CSTF2T: variants seen among roughly 807,000 people sequenced by gnomAD.
CSTF2T encodes the protein cleavage stimulation factor subunit 2 tau variant, also known as CF-1 64 kDa subunit tau.
Under a neutral mutation model 39.9 loss-of-function variants are expected in CSTF2T, and 18 were observed. That is an observed-to-expected ratio of 0.45 (90% CI 0.31 to 0.67). The LOEUF (loss-of-function observed/expected upper bound fraction) is 0.67. CSTF2T is among the 30% of genes least tolerant of loss of function. CSTF2T has a pLI of 0.06. For synonymous variants in CSTF2T, 291 were observed against 276.4 expected (o/e 1.05, Z -0.52); for missense variants, 681 against 789.0 (o/e 0.86, Z 1.64).
At position 51,696,988 on chromosome 10, in the gene CSTF2T, C is replaced by CAGCAA. The variant is rs1320102627; in HGVS notation, c.*706_*710dup. The CAGCAA allele has an allele frequency of 2.6e-5, 4 of 151,920 alleles. No individual in the cohort carries two copies. Among genetic ancestry groups the CAGCAA allele is most frequent in the Non-Finnish European group, 4.4e-5 (3 of 68,024 alleles). 9.4% of individuals were successfully genotyped at this position (151,920 alleles called of 1,614,324 possible). A position where few individuals can be genotyped will look rare whatever the true frequency, so the allele number is the denominator to read the frequency against. ...AACCTGGTTGATCTTAGAATTGTCACAGCAAAATCATCATGCTCAGATGCT... is the reference window on the plus strand; with the variant it reads ...AACCTGGTTGATCTTAGAATTGTCACAGCAAAGCAAAATCATCATGCTCAGATGCT... On this transcript the variant is annotated 3_prime_UTR_variant, in exon 1 of 1. Coordinates refer to ENST00000331173, the MANE Select transcript of CSTF2T (RefSeq NM_015235.3).
chr10:51,697,926 CTCCTCCTTGTATACT>C lies in CSTF2T; in HGVS notation c.1609_1623del (p.Ser537_Gly541del), dbSNP rs767734282. 3 of 1,599,038 alleles carry C rather than the reference CTCCTCCTTGTATACT, an allele frequency of 1.9e-6. No homozygotes were observed. Among genetic ancestry groups the C allele is most frequent in the African/African-American group, 2.7e-5 (2 of 73,880 alleles). ...CCCTGTATACCTCCTCCTTGTATAC[CTCCTCCTTGTATACT>C]GACTCCTTGTATGCCTGCCCCCTGC... On this transcript the variant is annotated inframe_deletion, in exon 1 of 1. Transcript: ENST00000331173.
At position 51,696,423 on chromosome 10, in the gene CSTF2T, T is replaced by G. The variant is rs1436879966; in HGVS notation, c.*1276A>C. 6.6e-6 allele frequency: 1 copy of G among 151,910 alleles called. No individual in the cohort carries two copies. Among genetic ancestry groups the G allele is most frequent in the African/African-American group, 2.4e-5 (1 of 41,332 alleles). The allele number at this position is 151,910 out of a possible 1,614,324, so 9.4% of individuals were successfully genotyped here. A position where few individuals can be genotyped will look rare whatever the true frequency, so the allele number is the denominator to read the frequency against. On this transcript the variant is annotated 3_prime_UTR_variant, in exon 1 of 1. Coordinates refer to ENST00000331173, the MANE Select transcript of CSTF2T (RefSeq NM_015235.3). ...AGATCAACTAGTCCCTAGACACTGA[T>G]TTTTGGGAAGGATGTAAGAGAATTA...
rs2132403981 is a variant in CSTF2T at position 51,696,993 on chromosome 10, A to C, written c.*706T>G. Reference sequence around the variant, plus strand: ...GGTTGATCTTAGAATTGTCACAGCAAAATCATCATGCTCAGATGCTTGGGG... The same window carrying C: ...GGTTGATCTTAGAATTGTCACAGCACAATCATCATGCTCAGATGCTTGGGG... On this transcript the variant is annotated 3_prime_UTR_variant, in exon 1 of 1. Transcript: ENST00000331173. 1 of 151,468 alleles carries C rather than the reference A, an allele frequency of 6.6e-6. No homozygotes were observed. Among genetic ancestry groups the C allele is most frequent in the African/African-American group, 2.4e-5 (1 of 41,316 alleles). 9.4% of individuals were successfully genotyped at this position (151,468 alleles called of 1,614,324 possible).
rs1030885581 is a variant in CSTF2T, at chr10:51,698,848, A to G, written c.702T>C (p.Pro234=). ...CCAAATGCTGAGGCTGAGGAGCTGG[A>G]GGATTCTGCTGGTTCAGCAGAACAT... is the stretch of plus-strand genomic sequence containing the variant. The part of the protein sequence containing the change: ...GPNVLLNQQN[P]PAPQPQHLAR... Residue 234 remains proline (P), a synonymous_variant, in exon 1 of 1, where the codon CCT becomes CCC. Coordinates refer to ENST00000331173, the MANE Select transcript of CSTF2T (RefSeq NM_015235.3). 5.6e-6 allele frequency: 9 copies of G among 1,614,202 alleles called. No individual in the cohort carries two copies. The highest frequency in any genetic ancestry group is 7.6e-6 in the Non-Finnish European group (9 of 1,180,036).
In CSTF2T at chr10:51,698,813, G is replaced by A. The variant is rs1022157636; in HGVS notation, c.737C>T (p.Pro246Leu). Residue 246 changes from proline (P) to leucine (L), a missense_variant, in exon 1 of 1, where the codon CCT becomes CTT. By Grantham distance (98) the Pro-to-Leu change is moderately conservative. Around this residue, in one of 4 missense-constraint regions of CSTF2T, gnomAD observed 329 missense variants for 344.1 expected, o/e 0.96. Coordinates refer to ENST00000331173, the MANE Select transcript of CSTF2T (RefSeq NM_015235.3). ...APQPQHLARR[P>L]VKDIPPLMQT... ...CATCAGAGGAGGAATGTCCTTCACA[G>A]GTCTTCTAGCCAAATGCTGAGGCTG... The A allele has an allele frequency of 6.2e-7, 1 of 1,614,076 alleles. No homozygotes were observed. Among genetic ancestry groups the A allele is most frequent in the African/African-American group, 1.3e-5 (1 of 74,940 alleles).
At position 51,698,674 on chromosome 10, in the gene CSTF2T, C is replaced by A; in HGVS notation, c.876G>T (p.Met292Ile). The A allele has an allele frequency of 6.2e-7, 1 of 1,614,188 alleles. No individual in the cohort carries two copies. The highest frequency in any genetic ancestry group is 2.2e-5 in the East Asian group (1 of 44,872). The change falls in exon 1 of 1, where the codon ATG (methionine) becomes ATT (isoleucine). Residue 292 changes from methionine to isoleucine, a missense_variant. Met to Ile is a conservative substitution (Grantham distance 10). Coordinates refer to ENST00000331173, the MANE Select transcript of CSTF2T (RefSeq NM_015235.3). ...PGGAMQPQLG[M>I]PGVGPVPLER... ...CTAAAGGCACTGGGCCAACCCCTGGCATTCCAAGTTGGGGCTGCATTGCTC... is the reference window on the plus strand; with the variant it reads ...CTAAAGGCACTGGGCCAACCCCTGGAATTCCAAGTTGGGGCTGCATTGCTC...
Position 51,698,512 on chromosome 10 carries a change from A to C in CSTF2T, c.1038T>G (p.Thr346=). The C allele has an allele frequency of 6.2e-7, 1 of 1,614,128 alleles. No individual in the cohort carries two copies. Among genetic ancestry groups the C allele is most frequent in the East Asian group, 2.2e-5 (1 of 44,846 alleles). ...DPRGGTLLSV[T]GEVEPRGYLG... ...GATAACCTCTGGGCTCCACTTCTCC[A>C]GTGACTGAAAGCAAAGTCCCTCCAC... The change falls in exon 1 of 1, where the codon ACT becomes ACG. Residue 346 remains threonine (T), a synonymous_variant. Coordinates refer to ENST00000331173, the MANE Select transcript of CSTF2T (RefSeq NM_015235.3).
At position 51,697,996 on chromosome 10, in the gene CSTF2T, C is replaced by A; in HGVS notation, c.1554G>T (p.Met518Ile). The change falls in exon 1 of 1, where the codon ATG (methionine) becomes ATT (isoleucine). Residue 518 changes from methionine to isoleucine, a missense_variant. By Grantham distance (10) the Met-to-Ile change is conservative (BLOSUM62 1). Coordinates refer to ENST00000331173, the MANE Select transcript of CSTF2T (RefSeq NM_015235.3). The stretch of plus-strand genomic sequence containing the variant: ...CTCCTCCTTGTATGCCTGCTCCCTG[C>A]ATGCCTGTTCCTTGTATGCCTGTAC... ...MQGTGIQGTGMQGAGIQGGGM... is the reference protein window; with the variant it reads ...MQGTGIQGTGIQGAGIQGGGM... The A allele has an allele frequency of 6.2e-7, 1 of 1,612,364 alleles. No homozygotes were observed. Among genetic ancestry groups the A allele is most frequent in the Non-Finnish European group, 8.5e-7 (1 of 1,179,158 alleles).
rs1332614185 is a variant in CSTF2T, at chr10:51,696,120, A to G, written c.*1579T>C. 1.3e-5 allele frequency: 2 copies of G among 152,220 alleles called. No homozygotes were observed. 9.4% of individuals were successfully genotyped at this position (152,220 alleles called of 1,614,324 possible). On this transcript the variant is annotated 3_prime_UTR_variant, in exon 1 of 1. Coordinates refer to ENST00000331173, the MANE Select transcript of CSTF2T (RefSeq NM_015235.3). The stretch of plus-strand genomic sequence containing the variant: ...TGGCTGTATTCCATGCAAAAAGTAA[A>G]ATGAGCAGTAAGTCAAGTGAGTATT...
At position 51,697,296 on chromosome 10, in the gene CSTF2T, T is replaced by G. The variant is rs2132404680; in HGVS notation, c.*403A>C. On this transcript the variant is annotated 3_prime_UTR_variant, in exon 1 of 1. Transcript: ENST00000331173. ...TTTTATTTTGTTATACAACCAAAAA[T>G]CTTAAAACTATCTTAGTACATTAAC... is the stretch of plus-strand genomic sequence containing the variant. 6.1e-6 allele frequency: 1 copy of G among 163,724 alleles called. No individual in the cohort carries two copies. The highest frequency in any genetic ancestry group is 6.2e-5 in the Admixed American group (1 of 16,080). 10.1% of individuals were successfully genotyped at this position (163,724 alleles called of 1,614,324 possible).
chr10:51,699,084 G>T lies in CSTF2T; in HGVS notation c.466C>A (p.Gln156Lys). The change falls in exon 1 of 1, where the codon CAG (glutamine) becomes AAG (lysine). Residue 156 changes from glutamine to lysine, a missense_variant. By Grantham distance (53) the Gln-to-Lys change is moderately conservative (BLOSUM62 1). Coordinates refer to ENST00000331173, the MANE Select transcript of CSTF2T (RefSeq NM_015235.3). Reference protein sequence around the residue: ...QMKLCVQNSHQEARNMLLQNP... With the variant: ...QMKLCVQNSHKEARNMLLQNP... ...TGAAGTAACATGTTTCGAGCTTCCTGGTGGCTGTTTTGGACACAGAGCTTC... is the reference window on the plus strand; with the variant it reads ...TGAAGTAACATGTTTCGAGCTTCCTTGTGGCTGTTTTGGACACAGAGCTTC... The T allele has an allele frequency of 6.2e-7, 1 of 1,614,202 alleles. No homozygotes were observed. Among genetic ancestry groups the T allele is most frequent in the Non-Finnish European group, 8.5e-7 (1 of 1,180,038 alleles).
chr10:51,699,149 C>G lies in CSTF2T; in HGVS notation c.401G>C (p.Ser134Thr). ...CTCAAACATCTGCTCCGGGGGGAGA[C>G]TGGCTACTGCTCTGGTAATCGATTC... ...APESITRAVA[S>T]LPPEQMFELM... is the part of the protein sequence containing the mutation. Residue 134 changes from serine (S) to threonine (T), a missense_variant, in exon 1 of 1, where the codon AGT becomes ACT. By Grantham distance (58) the Ser-to-Thr change is moderately conservative. Around this residue, in one of 4 missense-constraint regions of CSTF2T, gnomAD observed 329 missense variants for 344.1 expected, o/e 0.96. Transcript: ENST00000331173. 4.3e-6 allele frequency: 7 copies of G among 1,614,204 alleles called. No homozygotes were observed. The highest frequency in any genetic ancestry group is 5.9e-6 in the Non-Finnish European group (7 of 1,180,030).
At position 51,699,090 on chromosome 10, in the gene CSTF2T, T is replaced by C. The variant is rs1220903178; in HGVS notation, c.460A>G (p.Ser154Gly). 1 of 1,614,232 alleles carries C rather than the reference T, an allele frequency of 6.2e-7. No homozygotes were observed. Among genetic ancestry groups the C allele is most frequent in the Admixed American group, 1.7e-5 (1 of 60,038 alleles). The change falls in exon 1 of 1, where the codon AGC (serine) becomes GGC (glycine). Residue 154 changes from serine to glycine, a missense_variant. Coordinates refer to ENST00000331173, the MANE Select transcript of CSTF2T (RefSeq NM_015235.3). The part of the protein sequence containing the change: ...MKQMKLCVQN[S>G]HQEARNMLLQ... The stretch of plus-strand genomic sequence containing the variant: ...AACATGTTTCGAGCTTCCTGGTGGC[T>C]GTTTTGGACACAGAGCTTCATCTGC...
Position 51,698,696 on chromosome 10 carries a change from G to C in CSTF2T, c.854C>G (p.Ala285Gly), listed in dbSNP as rs61746484. The part of the protein sequence containing the change: ...AGPGSLTPGG[A>G]MQPQLGMPGV... Reference sequence around the variant, plus strand: ...TGGCATTCCAAGTTGGGGCTGCATTGCTCCTCCAGGAGTTAAGGAACCAGG... The same window carrying C: ...TGGCATTCCAAGTTGGGGCTGCATTCCTCCTCCAGGAGTTAAGGAACCAGG... The change falls in exon 1 of 1, where the codon GCA (alanine) becomes GGA (glycine). Residue 285 changes from alanine to glycine, a missense_variant. Coordinates refer to ENST00000331173, the MANE Select transcript of CSTF2T (RefSeq NM_015235.3). 46 of 1,614,202 alleles carry C rather than the reference G, an allele frequency of 2.8e-5. No individual in the cohort carries two copies. In the African/African-American group the frequency reaches 4.3e-4, roughly 15 times the overall value.
In CSTF2T at chr10:51,699,314, C is replaced by G. The variant is rs758926910; in HGVS notation, c.236G>C (p.Gly79Ala). Residue 79 changes from glycine to alanine, a missense_variant, in exon 1 of 1, where the codon GGG (glycine) becomes GCG (alanine). This residue lies in a region of CSTF2T where 65 missense variants were observed against 134.2 expected (regional missense o/e 0.48). Coordinates refer to ENST00000331173, the MANE Select transcript of CSTF2T (RefSeq NM_015235.3). ...AAGCGCTCTCCCACTGAACTCCCGCCCATTGAGGTTCCGCATGGCACTAAG... is the reference window on the plus strand; with the variant it reads ...AAGCGCTCTCCCACTGAACTCCCGCGCATTGAGGTTCCGCATGGCACTAAG... ...TALSAMRNLN[G>A]REFSGRALRV... is the part of the protein sequence containing the mutation. 10 of 1,614,036 alleles carry G rather than the reference C, an allele frequency of 6.2e-6. No individual in the cohort carries two copies. Among genetic ancestry groups the G allele is most frequent in the Middle Eastern group, 1.6e-4 (1 of 6,084 alleles).
Position 51,698,579 on chromosome 10 carries a change from A to T in CSTF2T, c.971T>A (p.Leu324Gln), listed in dbSNP as rs1564612017. The change falls in exon 1 of 1, where the codon CTG becomes CAG. Residue 324 changes from leucine (L) to glutamine (Q), a missense_variant. Physicochemically the swap from Leu to Gln is moderately radical, Grantham distance 113. Coordinates refer to ENST00000331173, the MANE Select transcript of CSTF2T (RefSeq NM_015235.3). ...ATCTCCTAACAGTCCTCGAGGAGGC[A>T]GACCACCAGGAGTCACGGGTCCGCG... ...IPRGPVTPGG[L>Q]PPRGLLGDAP... 4 of 1,613,902 alleles carry T rather than the reference A, an allele frequency of 2.5e-6. No homozygotes were observed. Among genetic ancestry groups the T allele is most frequent in the Non-Finnish European group, 3.4e-6 (4 of 1,180,030 alleles).
rs1378494565 is a variant in CSTF2T at position 51,699,153 on chromosome 10, C to G, written c.397G>C (p.Ala133Pro). 3.7e-6 allele frequency: 6 copies of G among 1,614,046 alleles called. No homozygotes were observed. The highest frequency in any genetic ancestry group is 4.2e-6 in the Non-Finnish European group (5 of 1,180,026). ...DAPESITRAV[A>P]SLPPEQMFEL... ...AACATCTGCTCCGGGGGGAGACTGG[C>G]TACTGCTCTGGTAATCGATTCAGGG... The change falls in exon 1 of 1, where the codon GCC becomes CCC. Residue 133 changes from alanine (A) to proline (P), a missense_variant. This residue lies in a region of CSTF2T where 329 missense variants were observed against 344.1 expected (regional missense o/e 0.96). Coordinates refer to ENST00000331173, the MANE Select transcript of CSTF2T (RefSeq NM_015235.3).
In CSTF2T at chr10:51,699,578, G is replaced by C. The variant is rs1344139756; in HGVS notation, c.-29C>G. On this transcript the variant is annotated 5_prime_UTR_variant, in exon 1 of 1. Coordinates refer to ENST00000331173, the MANE Select transcript of CSTF2T (RefSeq NM_015235.3). ...TCCGGTTGTGCAGACAGCCGATAGC[G>C]GATTCTTCGAGGCGTCTGTCCTCTT... 1 of 1,583,114 alleles carries C rather than the reference G, an allele frequency of 6.3e-7. No individual in the cohort carries two copies. Among genetic ancestry groups the C allele is most frequent in the Non-Finnish European group, 8.6e-7 (1 of 1,165,090 alleles).
At position 51,699,492 on chromosome 10, in the gene CSTF2T, C is replaced by A; in HGVS notation, c.58G>T (p.Val20Leu). 6.2e-7 allele frequency: 1 copy of A among 1,613,742 alleles called. No homozygotes were observed. Among genetic ancestry groups the A allele is most frequent in the Non-Finnish European group, 8.5e-7 (1 of 1,179,920 alleles). Residue 20 changes from valine (V) to leucine (L), a missense_variant, in exon 1 of 1, where the codon GTG becomes TTG. Coordinates refer to ENST00000331173, the MANE Select transcript of CSTF2T (RefSeq NM_015235.3). ...GTTGCCTCATATGGAATGTTCCCCA[C>A]GAACACGGAACGCAGTGATCGATCC... ...AMDRSLRSVF[V>L]GNIPYEATEE...
Sources: gnomAD v4.1 joint callset for allele counts on GRCh38, gnomAD v4.1.1 for gene constraint, gnomAD v4.1.1 regional missense constraint, MANE v1.5 for transcripts, NCBI Gene and HGNC (gene_info 2026-07-23, HGNC 2026-07-21) for gene names.